Variants in KCNIP4 observed in about 807,000 individuals in gnomAD.
The protein encoded by KCNIP4 is Kv channel-interacting protein 4.
KCNIP4 carries 12 observed loss-of-function variants against 34.0 expected under a neutral mutation model. The ratio of observed to expected loss-of-function variants is 0.35; its 90% CI spans 0.23 to 0.57. The LOEUF is 0.57. Ranked by LOEUF, KCNIP4 falls within the 20% of genes least tolerant of loss-of-function variation. The pLI is 0.83. For missense variants in KCNIP4, 238 were observed against 311.7 expected, an observed-to-expected ratio of 0.76 and a Z score of 1.78; for synonymous variants, 124 against 102.2, an observed-to-expected ratio of 1.21 and a Z score of -1.29.
At chr4:21,109,631 A>C (rs1748967937) in intron 1 of KCNIP4, among the ~76,000 whole-genome samples, 2 of 151,974 alleles carry the variant, frequency 1.3e-5, no homozygotes, top group Admixed American at 6.6e-5. Flanking sequence ...ACTGTCTGGC[A>C]CTCCCTAGTG....
intron 1 of KCNIP4, among the ~76,000 whole-genome samples, chr4:21,675,812 T>G (rs1367938775): frequency 1.3e-5 from 2 of 152,232 alleles, no homozygotes; most frequent in Admixed American, 1.3e-4. Context: ...TGAAAGGGAC[T>G]GCTTCCATAT....
chr4:21,567,038 C>T (rs1739949140), intron 1 of KCNIP4, among the ~76,000 whole-genome samples: 1 of 152,038 alleles, frequency 6.6e-6, no homozygotes, highest in Non-Finnish European at 1.5e-5. Flanking sequence ...CTGTTATTTC[C>T]TATTATATTT....
intron 1 of KCNIP4, among the ~76,000 whole-genome samples, chr4:21,569,233 C>CAAA (rs1740160159): frequency 5.4e-5 from 1 of 18,512 alleles, no homozygotes. Context: ...CACTGATATT[C>CAAA]TAAAAAAAAA....
intron 1 of KCNIP4, among the ~76,000 whole-genome samples, chr4:21,555,165 A>T (rs1043866532): frequency 6.6e-6 from 1 of 152,060 alleles, no homozygotes; most frequent in Non-Finnish European, 1.5e-5. Context: ...CCTGTGTTAA[A>T]TTTGAGATCA....
At chr4:21,757,243 GAAAGAAAAGA>G (rs145596310) in intron 1 of KCNIP4, among the ~76,000 whole-genome samples, 473 of 26,188 alleles carry the variant, frequency 0.018, 18 homozygotes, top group Non-Finnish European at 0.021. Context: ...AAGAAAGAAA[GAAAGAAAAGA>G]AAAGAAAAGA....
intron 1 of KCNIP4, among the ~76,000 whole-genome samples, chr4:21,441,997 G>A (rs866024841): frequency 3.9e-5 from 6 of 152,244 alleles, no homozygotes; most frequent in South Asian, 2.1e-4. Context: ...AGATACTCAA[G>A]ACTGGTCCTA....
At chr4:21,793,961 A>G (rs1720457204) in intron 1 of KCNIP4, among the ~76,000 whole-genome samples, 1 of 152,238 alleles carries the variant, frequency 6.6e-6, no homozygotes, top group African/African-American at 2.4e-5. Context: ...GCCATAAAAA[A>G]GGATGAATTC....
At chr4:21,744,065 A>G (rs1161179076) in intron 1 of KCNIP4, among the ~76,000 whole-genome samples, 1 of 152,138 alleles carries the variant, frequency 6.6e-6, no homozygotes, top group Non-Finnish European at 1.5e-5. Context: ...ACTGCTATTT[A>G]ATGAGCTACT....
chr4:21,259,486 A>T (rs1761306424), intron 1 of KCNIP4, among the ~76,000 whole-genome samples: 1 of 152,038 alleles, frequency 6.6e-6, no homozygotes, highest in Non-Finnish European at 1.5e-5. Flanking sequence ...AAGTTTTTAC[A>T]CCATTTAATC....
chr4:21,772,038 AATAT>A (rs1718831040), intron 1 of KCNIP4, among the ~76,000 whole-genome samples: 2 of 152,168 alleles, frequency 1.3e-5, no homozygotes, highest in African/African-American at 4.8e-5. Flanking sequence ...TTGCCCATTC[AATAT>A]GATATTGGCT....
intron 3 of KCNIP4, 121 bp from the exon 4 acceptor site, chr4:20,759,011 C>A: frequency 1.4e-6 from 1 of 695,040 alleles, no homozygotes; most frequent in Non-Finnish European, 2.5e-6. Flanking sequence ...AACCATTCAT[C>A]CATTATTACA....
intron 1 of KCNIP4, among the ~76,000 whole-genome samples, chr4:21,658,756 G>A (rs1748181448): frequency 6.6e-6 from 1 of 152,110 alleles, no homozygotes; most frequent in African/African-American, 2.4e-5. Flanking sequence ...GGTGGGGGCA[G>A]AATAGTGAAG....
intron 1 of KCNIP4, among the ~76,000 whole-genome samples, chr4:21,094,703 G>A (rs568202732): frequency 5.9e-5 from 9 of 152,252 alleles, no homozygotes; most frequent in African/African-American, 1.2e-4. Flanking sequence ...AACTTCTGCC[G>A]TGTCTTTTCT....
In KCNIP4 at chr4:20,762,862, A is replaced by T. The variant is rs1390275965; in HGVS notation, c.289-3972T>A. 2.0e-5 allele frequency among the ~76,000 whole-genome samples: 3 copies of T among 152,140 alleles called. No individual in the cohort carries two copies. The East Asian group carries it at 5.8e-4, about 29-fold the overall frequency. On this transcript the variant is annotated intron_variant, in intron 3 of 8. Transcript: ENST00000382152. ...ATTTATAAAGGAAAGAGGTTAATTG[A>T]CTCACAGGTCAGCATCCCTGGGAAG...
intron 1 of KCNIP4, among the ~76,000 whole-genome samples, chr4:21,761,921 G>A (rs958932455): frequency 6.6e-6 from 1 of 151,902 alleles, no homozygotes; most frequent in Non-Finnish European, 1.5e-5. Flanking sequence ...CATCCAAGGT[G>A]GCTATACAAA....
chr4:21,396,188 A>C (rs1722979877), intron 1 of KCNIP4, among the ~76,000 whole-genome samples: 1 of 151,436 alleles, frequency 6.6e-6, no homozygotes, highest in African/African-American at 2.4e-5. Context: ...CTTCTCTAGA[A>C]ATACATACAA....
At position 21,574,572 on chromosome 4, in the gene KCNIP4, T is replaced by C. The variant is rs185033679; in HGVS notation, c.61+373999A>G. Among the ~76,000 whole-genome samples, 400 of 152,254 alleles carry C rather than the reference T, an allele frequency of 2.6e-3. 1 individual carries two copies. Among genetic ancestry groups the C allele is most frequent in the African/African-American group, 9.2e-3 (383 of 41,562 alleles). ...TGGGGTGATAAATAAAATAAAATTC[T>C]AAAATCATTGCAGAAGGTGAAAAAT... On this transcript the variant is annotated intron_variant, in intron 1 of 8. Coordinates refer to ENST00000382152, the MANE Select transcript of KCNIP4 (RefSeq NM_025221.6).
intron 1 of KCNIP4, among the ~76,000 whole-genome samples, chr4:21,192,748 A>T (rs1315586464): frequency 6.6e-6 from 1 of 152,058 alleles, no homozygotes; most frequent in Non-Finnish European, 1.5e-5. Context: ...AAATAAAAAA[A>T]TTCTTTATTT....
At chr4:21,822,416 T>C (rs1217247909) in intron 1 of KCNIP4, among the ~76,000 whole-genome samples, 2 of 152,164 alleles carry the variant, frequency 1.3e-5, no homozygotes, top group East Asian at 3.9e-4. Flanking sequence ...AACAAGCAGA[T>C]ATAACCACAG....
Sources: gnomAD v4.1 joint callset for allele counts (sites outside exome capture counted in the v4.1 genomes callset) on GRCh38, gnomAD v4.1.1 for gene constraint, MANE v1.5 for transcripts, NCBI Gene and HGNC (gene_info 2026-07-23, HGNC 2026-07-21) for gene names.